AFG2A: variants seen among roughly 807,000 people sequenced by gnomAD.
AFG2A encodes AAA ATPase AFG2A.
At chr4:122,989,134 T>A in the AFG2A span, among the ~76,000 whole-genome samples, 2 of 152,216 alleles carry the variant, frequency 1.3e-5, no homozygotes, top group Admixed American at 1.3e-4. Flanking sequence ...TGGTGCTTAA[T>A]TTTGTTCCTT....
chr4:123,028,161 A>G, the AFG2A span: 49 of 1,595,766 alleles, frequency 3.1e-5, no homozygotes, highest in Non-Finnish European at 3.9e-5. Flanking sequence ...CAAAACTTAT[A>G]TTTGGAAAAT....
At chr4:122,935,776 G>A in the AFG2A span, 19 of 1,612,726 alleles carry the variant, frequency 1.2e-5, no homozygotes, top group South Asian at 2.2e-5. Context: ...AACAATGATC[G>A]CCAGGGCTGT....
At chr4:123,301,194 T>G in the AFG2A span, among the ~76,000 whole-genome samples, 2 of 152,212 alleles carry the variant, frequency 1.3e-5, no homozygotes, top group East Asian at 3.9e-4. Flanking sequence ...AGTTTCAATG[T>G]ATTCTTAGAT....
At chr4:123,196,499 A>G in the AFG2A span, among the ~76,000 whole-genome samples, 2 of 152,200 alleles carry the variant, frequency 1.3e-5, no homozygotes, top group Non-Finnish European at 2.9e-5. Context: ...TAAGTGATTT[A>G]ACATAGTTTT....
chr4:123,185,407 A>G, the AFG2A span, among the ~76,000 whole-genome samples: 28 of 152,182 alleles, frequency 1.8e-4, no homozygotes, highest in African/African-American at 6.5e-4. Flanking sequence ...TCTGTTTTAC[A>G]TATCATTTTA....
the AFG2A span, among the ~76,000 whole-genome samples, chr4:122,980,626 G>C: frequency 6.6e-6 from 1 of 151,988 alleles, no homozygotes; most frequent in African/African-American, 2.4e-5. Flanking sequence ...AGTGTACAAG[G>C]GTTTCTTTTT....
the AFG2A span, among the ~76,000 whole-genome samples, chr4:122,955,656 A>G: frequency 1.3e-5 from 2 of 150,458 alleles, no homozygotes; most frequent in Non-Finnish European, 3.0e-5. Flanking sequence ...AAAACTTGGA[A>G]GAGATATTTA....
chr4:122,939,318 G>T, the AFG2A span, among the ~76,000 whole-genome samples: 1 of 151,996 alleles, frequency 6.6e-6, no homozygotes, highest in Non-Finnish European at 1.5e-5. Flanking sequence ...CTGACCTCAG[G>T]TGATCCGCCC....
the AFG2A span, among the ~76,000 whole-genome samples, chr4:123,312,680 AG>A: frequency 6.6e-6 from 1 of 152,340 alleles, no homozygotes; most frequent in South Asian, 2.1e-4. Flanking sequence ...ACAAGATGAT[AG>A]CCACCCTCTT....
the AFG2A span, among the ~76,000 whole-genome samples, chr4:123,047,113 A>G: frequency 6.6e-6 from 1 of 152,172 alleles, no homozygotes; most frequent in Admixed American, 6.5e-5. Flanking sequence ...TAGTAAACCC[A>G]GTAGTGGAAT....
the AFG2A span, among the ~76,000 whole-genome samples, chr4:123,269,896 A>C: frequency 6.6e-6 from 1 of 151,600 alleles, no homozygotes; most frequent in Non-Finnish European, 1.5e-5. Flanking sequence ...GGCTCACGGC[A>C]ACCTCTGCCT....
chr4:123,136,383 A>G, the AFG2A span, among the ~76,000 whole-genome samples: 1 of 150,404 alleles, frequency 6.6e-6, no homozygotes, highest in Non-Finnish European at 1.5e-5. Flanking sequence ...AAAATACAAA[A>G]TTAGGCCAGG....
chr4:123,226,896 T>C, the AFG2A span, among the ~76,000 whole-genome samples: 3 of 152,212 alleles, frequency 2.0e-5, no homozygotes, highest in South Asian at 2.1e-4. Flanking sequence ...GAGCCTGTTA[T>C]TGGTCTATTC....
At chr4:123,157,604 A>C in the AFG2A span, among the ~76,000 whole-genome samples, 2 of 152,194 alleles carry the variant, frequency 1.3e-5, no homozygotes, top group East Asian at 3.8e-4. Context: ...GCAAAGTATT[A>C]ATTAACAGCA....
At chr4:123,117,387 T>C in the AFG2A span, among the ~76,000 whole-genome samples, 4 of 151,226 alleles carry the variant, frequency 2.6e-5, no homozygotes, top group African/African-American at 4.9e-5. Context: ...ATTTACAAAA[T>C]GTGTTTACAT....
At chr4:123,312,040 C>T in the AFG2A span, among the ~76,000 whole-genome samples, 1 of 152,208 alleles carries the variant, frequency 6.6e-6, no homozygotes, top group Admixed American at 6.5e-5. Context: ...CCAACCCCCG[C>T]CCTGGCCACC....
chr4:123,027,076 A>C, the AFG2A span, among the ~76,000 whole-genome samples: 4 of 152,102 alleles, frequency 2.6e-5, no homozygotes, highest in Admixed American at 1.3e-4. Flanking sequence ...GTATCCTTCC[A>C]GTGAGTTTTC....
At chr4:123,301,503 C>G in the AFG2A span, among the ~76,000 whole-genome samples, 1 of 152,056 alleles carries the variant, frequency 6.6e-6, no homozygotes, top group African/African-American at 2.4e-5. Flanking sequence ...GATGTGATTT[C>G]ACCTCATTTA....
At chr4:123,096,173 GCTTTTTTCTACCTCCTGCTTAGATAGT>G in the AFG2A span, among the ~76,000 whole-genome samples, 4 of 151,984 alleles carry the variant, frequency 2.6e-5, no homozygotes, top group African/African-American at 9.7e-5. Context: ...AGTCCCCGAG[GCTTTTTTCTACCTCCTGCTTAGATAGT>G]GAAGAGAAGT....
Sources: gnomAD v4.1 joint callset for allele counts (sites outside exome capture counted in the v4.1 genomes callset) on GRCh38, gnomAD v4.1.1 for gene constraint, MANE v1.5 for transcripts, NCBI Gene and HGNC (gene_info 2026-07-23, HGNC 2026-07-21) for gene names.